Variants in EVL observed in about 807,000 individuals in gnomAD.
EVL encodes ena/VASP-like protein.
EVL carries 21 observed loss-of-function variants against 59.6 expected under a neutral mutation model. The ratio of observed to expected loss-of-function variants is 0.35; its 90% CI spans 0.25 to 0.51. The LOEUF (loss-of-function observed/expected upper bound fraction) is 0.51, where lower values mean the gene tolerates loss of function less well. EVL is among the 20% of genes least tolerant of loss of function. The probability of loss-of-function intolerance (pLI) is 0.97; values close to 1 mark genes in which losing one functional copy is unlikely to be tolerated. For synonymous variants in EVL, 198 were observed against 203.5 expected, an observed-to-expected ratio of 0.97 and a Z score of 0.23; for missense variants, 462 against 546.6, an observed-to-expected ratio of 0.85 and a Z score of 1.54.
chr14:100,025,682 C>G (rs546972774), intron 1 of EVL, among the ~76,000 whole-genome samples: 66 of 152,214 alleles, frequency 4.3e-4, no homozygotes, highest in African/African-American at 1.4e-3. Flanking sequence ...AACCCCAGCA[C>G]TTTGGGAGGC....
intron 1 of EVL, among the ~76,000 whole-genome samples, chr14:100,023,728 C>G (rs1357963908): frequency 6.6e-6 from 1 of 152,142 alleles, no homozygotes; most frequent in East Asian, 1.9e-4. Flanking sequence ...TCCCAAAGTG[C>G]TGGGATTACA....
chr14:100,031,881 A>G (rs1265242208), intron 1 of EVL, among the ~76,000 whole-genome samples: 2 of 152,194 alleles, frequency 1.3e-5, no homozygotes, highest in African/African-American at 4.8e-5. Flanking sequence ...TTGAAAATCA[A>G]CTCTGGGTCC....
chr14:100,003,440 G>C lies in EVL; in HGVS notation c.5+31383G>C, dbSNP rs140474562. On this transcript the variant is annotated intron_variant, in intron 1 of 13. Coordinates refer to the EVL transcript ENST00000402714. ...ATTTTTATTTTTATTTTTTGAGACA[G>C]AGGTTTGCTCTTGTTGCCCTGGCTA... Among the ~76,000 whole-genome samples, 857 of 152,190 alleles carry C rather than the reference G, an allele frequency of 5.6e-3. 8 individuals are homozygous for C. Among genetic ancestry groups the C allele is most frequent in the African/African-American group, 0.019 (807 of 41,534 alleles).
chr14:100,011,711 T>C (rs2061018064), intron 1 of EVL, among the ~76,000 whole-genome samples: 1 of 152,186 alleles, frequency 6.6e-6, no homozygotes, highest in South Asian at 2.1e-4. Context: ...TTGTGGGTGT[T>C]TATCTATATT....
At chr14:100,061,606 G>A (rs990584071), upstream of EVL, among the ~76,000 whole-genome samples, 9 of 151,796 alleles carry the variant, frequency 5.9e-5, no homozygotes, top group African/African-American at 1.9e-4. Flanking sequence ...GAACAATCCC[G>A]GGGTTAGGGT....
At chr14:99,973,491 C>T (rs369461037) in intron 1 of EVL, among the ~76,000 whole-genome samples, 1 of 152,204 alleles carries the variant, frequency 6.6e-6, no homozygotes, top group African/African-American at 2.4e-5. Context: ...GAGACGGAGT[C>T]TCGCTCTGTT....
intron 3 of EVL, among the ~76,000 whole-genome samples, chr14:100,116,891 T>C (rs547020227): frequency 6.6e-6 from 1 of 152,256 alleles, no homozygotes; most frequent in Non-Finnish European, 1.5e-5. Context: ...TTATAGAAAA[T>C]GGAAGTCCAG....
chr14:100,002,938 T>C (rs2060954912), intron 1 of EVL, among the ~76,000 whole-genome samples: 2 of 152,232 alleles, frequency 1.3e-5, no homozygotes. Context: ...ATTTTAATCT[T>C]GACCATAATA....
chr14:100,001,619 C>T (rs1440568478), intron 1 of EVL, among the ~76,000 whole-genome samples: 1 of 152,168 alleles, frequency 6.6e-6, no homozygotes, highest in Non-Finnish European at 1.5e-5. Flanking sequence ...TTTTAAAAGA[C>T]AAGCCCAGCC....
At chr14:100,136,005 G>A in intron 9 of EVL, 37 bp downstream of exon 9, 1 of 1,609,670 alleles carries the variant, frequency 6.2e-7, no homozygotes, top group Non-Finnish European at 8.5e-7. Context: ...AGTGAGGCAT[G>A]AGGTCTCAGA....
At chr14:100,049,681 A>G (rs1306354189) in intron 1 of EVL, among the ~76,000 whole-genome samples, 1 of 152,208 alleles carries the variant, frequency 6.6e-6, no homozygotes, top group Non-Finnish European at 1.5e-5. Context: ...CTTTGAAAGT[A>G]TACAACTCAG....
At chr14:100,059,674 A>G (rs932396044) in intron 1 of EVL, among the ~76,000 whole-genome samples, 1 of 152,026 alleles carries the variant, frequency 6.6e-6, no homozygotes, top group Admixed American at 6.6e-5. Flanking sequence ...CATTCAGTTG[A>G]GATCCCAGAA....
intron 1 of EVL, among the ~76,000 whole-genome samples, chr14:99,997,615 A>G (rs939804216): frequency 9.2e-5 from 14 of 152,212 alleles, no homozygotes; most frequent in African/African-American, 3.1e-4. Context: ...GAATGGGTGA[A>G]GAGAGGACAG....
intron 1 of EVL, among the ~76,000 whole-genome samples, chr14:100,058,427 C>T (rs1032636818): frequency 3.9e-4 from 59 of 152,208 alleles, no homozygotes; most frequent in African/African-American, 1.4e-3. Flanking sequence ...ATGATCACCA[C>T]TTACACTGTA....
At chr14:100,125,418 T>C (rs1016263234) in intron 4 of EVL, among the ~76,000 whole-genome samples, 2 of 152,178 alleles carry the variant, frequency 1.3e-5, no homozygotes, top group Non-Finnish European at 1.5e-5. Context: ...ACTTGAGTAT[T>C]TTTCACACAT....
chr14:100,078,071 G>T (rs910015674), intron 1 of EVL, among the ~76,000 whole-genome samples: 2 of 152,196 alleles, frequency 1.3e-5, no homozygotes. Context: ...ACTGCGCCCG[G>T]CCATGCATAC....
chr14:100,105,872 G>C (rs1886535069), intron 3 of EVL, among the ~76,000 whole-genome samples: 1 of 152,200 alleles, frequency 6.6e-6, no homozygotes, highest in Non-Finnish European at 1.5e-5. Flanking sequence ...TGCCTCCCCT[G>C]CCACAGTGTC....
At chr14:100,087,570 C>T (rs950888597) in intron 2 of EVL, among the ~76,000 whole-genome samples, 9 of 152,110 alleles carry the variant, frequency 5.9e-5, no homozygotes, top group African/African-American at 1.7e-4. Flanking sequence ...GCCGTGGTCG[C>T]GCCACTGCAT....
At chr14:99,979,101 G>T (rs1449538016) in intron 1 of EVL, among the ~76,000 whole-genome samples, 1 of 151,422 alleles carries the variant, frequency 6.6e-6, no homozygotes, top group African/African-American at 2.4e-5. Context: ...CTGTTGTCTG[G>T]TACTGGATTA....
Sources: allele counts gnomAD v4.1 joint callset (sites outside exome capture counted in the v4.1 genomes callset), GRCh38; gene constraint gnomAD v4.1.1; transcripts MANE v1.5; gene names NCBI Gene and HGNC (gene_info 2026-07-23, HGNC 2026-07-21).